ZNF730: variants seen among roughly 807,000 people sequenced by gnomAD.
ZNF730 encodes zinc finger protein 730, also known as putative zinc finger protein 730.
In ZNF730, 12 loss-of-function variants were observed where a neutral mutation model predicts 12.6. That is an observed-to-expected ratio of 0.95 (90% CI 0.61 to 1.54). The LOEUF (loss-of-function observed/expected upper bound fraction) is 1.54. Ranked by LOEUF, ZNF730 falls within the 40% of genes most tolerant of loss-of-function variation. ZNF730 has a pLI of 0.00. For synonymous variants in ZNF730, 194 were observed against 195.8 expected (o/e 0.99, Z 0.08); for missense variants, 643 against 583.5 (o/e 1.10, Z -1.05).
In ZNF730 at chr19:23,145,648, A is replaced by C; in HGVS notation, c.604A>C (p.Lys202Gln). ...KKIHTGEKSY[K>Q]CEEYGKAFNE... ...AATTCATACTGGAGAGAAATCCTAC[A>C]AATGTGAAGAATATGGCAAAGCCTT... Residue 202 changes from lysine (K) to glutamine (Q), a missense_variant, in exon 4 of 4, where the codon AAA (lysine) becomes CAA (glutamine). Physicochemically the swap from Lys to Gln is moderately conservative, Grantham distance 53. Transcript: ENST00000597761. The C allele has an allele frequency of 6.4e-7, 1 of 1,553,854 alleles. No homozygotes were observed. The highest frequency in any genetic ancestry group is 8.7e-7 in the Non-Finnish European group (1 of 1,150,830).
intron 1 of ZNF730, among the ~76,000 whole-genome samples, chr19:23,090,305 C>T (rs772657268): frequency 4.6e-5 from 7 of 151,742 alleles, no homozygotes; most frequent in East Asian, 1.9e-4. Flanking sequence ...AACTTGGAAC[C>T]GAAGCAAAGG....
At chr19:23,129,380 G>T (rs1032998795) in intron 1 of ZNF730, among the ~76,000 whole-genome samples, 1 of 152,166 alleles carries the variant, frequency 6.6e-6, no homozygotes, top group African/African-American at 2.4e-5. Context: ...CAGGGGTGGA[G>T]CTGCTCAAGA....
At chr19:23,141,133 G>T (rs973518614) in intron 3 of ZNF730, among the ~76,000 whole-genome samples, 23 of 152,024 alleles carry the variant, frequency 1.5e-4, no homozygotes, top group Non-Finnish European at 5.9e-5. Context: ...GGTGGCTCAC[G>T]CCTGTAATCC....
intron 1 of ZNF730, among the ~76,000 whole-genome samples, chr19:23,100,666 T>C (rs1970326194): frequency 3.5e-5 from 1 of 28,880 alleles, no homozygotes; most frequent in African/African-American, 1.2e-4. Context: ...TTTTTTTTTT[T>C]TTTTTTTGAG....
upstream of ZNF730, among the ~76,000 whole-genome samples, chr19:23,115,894 G>T (rs1970512855): frequency 6.6e-6 from 1 of 152,354 alleles, no homozygotes; most frequent in South Asian, 2.1e-4. Context: ...ACCCAGTGCA[G>T]ATAGGTGCCA....
intron 1 of ZNF730, among the ~76,000 whole-genome samples, chr19:23,129,775 C>T (rs1405112417): frequency 6.6e-6 from 1 of 151,836 alleles, no homozygotes; most frequent in African/African-American, 2.4e-5. Context: ...GGGTGGATCA[C>T]GAGGCCAGGA....
chr19:23,125,409 C>T (rs1254902085), intron 1 of ZNF730, among the ~76,000 whole-genome samples: 1 of 152,060 alleles, frequency 6.6e-6, no homozygotes, highest in Non-Finnish European at 1.5e-5. Flanking sequence ...ATGGCTGTGA[C>T]CAAGATGCTG....
chr19:23,127,640 G>T, intron 1 of ZNF730: 1 of 1,104,416 alleles, frequency 9.1e-7, no homozygotes. Context: ...TAAACTCTTT[G>T]TGTGAATGGT....
At chr19:23,132,654 C>T (rs977547295) in intron 1 of ZNF730, among the ~76,000 whole-genome samples, 9 of 151,964 alleles carry the variant, frequency 5.9e-5, no homozygotes, top group Non-Finnish European at 1.2e-4. Flanking sequence ...ATTGGGGAAA[C>T]GCCAGGGTTC....
intron 1 of ZNF730, among the ~76,000 whole-genome samples, chr19:23,101,447 G>A (rs1008486961): frequency 3.9e-5 from 6 of 152,150 alleles, no homozygotes; most frequent in Non-Finnish European, 8.8e-5. Flanking sequence ...TAGACCCAAC[G>A]TACAGAAAGT....
chr19:23,143,139 G>T (rs1050883650), intron 3 of ZNF730, among the ~76,000 whole-genome samples: 1 of 152,114 alleles, frequency 6.6e-6, no homozygotes, highest in Middle Eastern at 3.2e-3. Context: ...AGCTACTCAG[G>T]AGTCTGAGGC....
At chr19:23,128,171 A>G (rs1599593704) in intron 1 of ZNF730, 2 of 858,810 alleles carry the variant, frequency 2.3e-6, no homozygotes, top group South Asian at 1.3e-5. Flanking sequence ...AGAGCAGTAG[A>G]TGGAGGCTTG....
chr19:23,097,382 A>G (rs1970270179), intron 1 of ZNF730, among the ~76,000 whole-genome samples: 1 of 151,796 alleles, frequency 6.6e-6, no homozygotes, highest in Non-Finnish European at 1.5e-5. Context: ...TTGCTGGGGG[A>G]TAATGATATA....
At chr19:23,092,967 C>T (rs1970181811) in intron 1 of ZNF730, among the ~76,000 whole-genome samples, 1 of 151,656 alleles carries the variant, frequency 6.6e-6, no homozygotes, top group Non-Finnish European at 1.5e-5. Flanking sequence ...GGAGAAGTCC[C>T]TTCTCCTCAA....
intron 1 of ZNF730, among the ~76,000 whole-genome samples, chr19:23,090,888 T>G (rs1257592804): frequency 6.6e-6 from 1 of 151,702 alleles, no homozygotes; most frequent in Non-Finnish European, 1.5e-5. Context: ...TTTCAGCTAC[T>G]CAGGAGGCTG....
rs1482322501 is a variant in ZNF730, at chr19:23,145,620, A to G, written c.576A>G (p.Lys192=). 6.5e-7 allele frequency: 1 copy of G among 1,547,054 alleles called. No individual in the cohort carries two copies. The highest frequency in any genetic ancestry group is 1.2e-5 in the South Asian group (1 of 82,008). Residue 192 remains lysine (K), a synonymous_variant, in exon 4 of 4, where the codon AAA becomes AAG. Coordinates refer to ENST00000597761, the MANE Select transcript of ZNF730 (RefSeq NM_001277403.2). ...FCILSHLAQH[K]KIHTGEKSYK... is the part of the protein sequence containing the mutation. Reference sequence around the variant, plus strand: ...TTCTTTCACACTTAGCTCAACATAAAAAAATTCATACTGGAGAGAAATCCT... The same window carrying G: ...TTCTTTCACACTTAGCTCAACATAAGAAAATTCATACTGGAGAGAAATCCT...
At chr19:23,094,384 ATCTATCTG>A (rs1258310617) in intron 1 of ZNF730, among the ~76,000 whole-genome samples, 2,001 of 146,962 alleles carry the variant, frequency 0.014, 36 homozygotes, top group East Asian at 0.048. Flanking sequence ...CTATCTATCT[ATCTATCTG>A]TCTATCTGTC....
At chr19:23,092,505 C>A (rs931425568) in intron 1 of ZNF730, among the ~76,000 whole-genome samples, 2 of 152,174 alleles carry the variant, frequency 1.3e-5, no homozygotes, top group Non-Finnish European at 2.9e-5. Flanking sequence ...AGGAGAATCA[C>A]TTGAACCCAG....
At chr19:23,142,246 G>A (rs1224396533) in intron 3 of ZNF730, among the ~76,000 whole-genome samples, 1 of 151,844 alleles carries the variant, frequency 6.6e-6, no homozygotes, top group South Asian at 2.1e-4. Context: ...GACCTCTTCT[G>A]CTCTCATTTG....
Sources: allele counts gnomAD v4.1 joint callset (sites outside exome capture counted in the v4.1 genomes callset), GRCh38; gene constraint gnomAD v4.1.1; transcripts MANE v1.5; gene names NCBI Gene and HGNC (gene_info 2026-07-23, HGNC 2026-07-21).